The following MEGF6 variants were observed in gnomAD, a reference collection of about 807,000 sequenced individuals.
MEGF6 encodes the protein multiple epidermal growth factor-like domains protein 6.
Under a neutral mutation model 207.1 loss-of-function variants are expected in MEGF6, and 184 were observed. That is an observed-to-expected ratio of 0.89 (90% CI 0.79 to 1.00). MEGF6 has a LOEUF of 1.00. MEGF6 is among the 50% of genes least tolerant of loss of function. The pLI, the probability that MEGF6 is intolerant of heterozygous loss-of-function variation, is 0.00. For missense variants in MEGF6, 2,282 were observed against 2,202.9 expected (o/e 1.04, Z -0.72); for synonymous variants, 1,038 against 910.0 (o/e 1.14, Z -2.53).
chr1:3,557,468 G>A (rs1216601229), intron 4 of MEGF6, among the ~76,000 whole-genome samples: 2 of 152,226 alleles, frequency 1.3e-5, no homozygotes, highest in Non-Finnish European at 2.9e-5. Flanking sequence ...AGGAGCCACT[G>A]TCTAAGCAAG....
intron 35 of MEGF6, 108 bp downstream of exon 35, chr1:3,492,531 G>C (rs573329280): frequency 1.3e-6 from 2 of 1,491,976 alleles, no homozygotes; most frequent in South Asian, 2.5e-5. Context: ...GCCATAGGGT[G>C]ACCCGGCCAA....
intron 4 of MEGF6, among the ~76,000 whole-genome samples, chr1:3,552,977 G>A (rs1327659578): frequency 6.6e-6 from 1 of 152,096 alleles, no homozygotes; most frequent in African/African-American, 2.4e-5. Flanking sequence ...GGCCCGGCCA[G>A]GCCCCAAGGA....
At chr1:3,527,329 G>C (rs1400124221) in intron 4 of MEGF6, among the ~76,000 whole-genome samples, 1 of 152,216 alleles carries the variant, frequency 6.6e-6, no homozygotes. Context: ...TGGAAACCCT[G>C]CTGCCCATCC....
chr1:3,525,190 C>T (rs1265197714), intron 4 of MEGF6, among the ~76,000 whole-genome samples: 1 of 152,204 alleles, frequency 6.6e-6, no homozygotes, highest in Admixed American at 6.5e-5. Flanking sequence ...CTTCGCTGTG[C>T]CGGCACCCTC....
chr1:3,571,789 G>A (rs566247192), intron 4 of MEGF6, among the ~76,000 whole-genome samples: 7 of 146,490 alleles, frequency 4.8e-5, no homozygotes, highest in Admixed American at 2.7e-4. Flanking sequence ...GTCCTTTCCA[G>A]GTGTGCTGGG....
At chr1:3,526,480 C>T (rs1641967768) in intron 4 of MEGF6, among the ~76,000 whole-genome samples, 1 of 151,580 alleles carries the variant, frequency 6.6e-6, no homozygotes, top group South Asian at 2.1e-4. Context: ...TCATTGCAAC[C>T]TCCACCTCCC....
chr1:3,494,314 A>G, intron 32 of MEGF6, 57 bp downstream of exon 32: 2 of 1,507,168 alleles, frequency 1.3e-6, no homozygotes, highest in South Asian at 2.5e-5. Flanking sequence ...CCCACACGGG[A>G]GGAGTGGACA....
rs140729991 is a variant in MEGF6, at chr1:3,499,709, C to T, written c.2844G>A (p.Pro948=). ...GACAGTCCAATCCAAAGAAGCCGGC[C>T]GGGCAGGCTGCAGACAGCGGGCAGT... ...WRGTFCEHAC[P]AGFFGLDCRS... Residue 948 remains proline (P), a synonymous_variant, in exon 23 of 37, where the codon CCG becomes CCA. Transcript: ENST00000356575. The T allele has an allele frequency of 4.8e-3, 7,777 of 1,604,216 alleles. 38 individuals carry two copies. Among genetic ancestry groups the T allele is most frequent in the Non-Finnish European group, 6.1e-3 (7,147 of 1,176,418 alleles).
rs755006404 is a variant in MEGF6 at position 3,493,840 on chromosome 1, C to T, written c.4318G>A (p.Ala1440Thr). The T allele has an allele frequency of 6.2e-7, 1 of 1,603,828 alleles. No individual in the cohort carries two copies. The highest frequency in any genetic ancestry group is 8.5e-7 in the Non-Finnish European group (1 of 1,175,872). Residue 1440 changes from alanine to threonine, a missense_variant, in exon 34 of 37, where the codon GCA (alanine) becomes ACA (threonine). Physicochemically the swap from Ala to Thr is moderately conservative, Grantham distance 58. Transcript: ENST00000356575. The part of the protein sequence containing the change: ...CHQRCDCDGG[A>T]PCDPVTGLCL... ...AGACCGGTGACAGGGTCACAGGGTG[C>T]CCCCCCGTCACAGTCACAGCGCTGG... is the stretch of plus-strand genomic sequence containing the variant.
intron 4 of MEGF6, among the ~76,000 whole-genome samples, chr1:3,538,880 C>G (rs1642417071): frequency 6.6e-6 from 1 of 152,312 alleles, no homozygotes; most frequent in Admixed American, 6.5e-5. Flanking sequence ...AGCCCCACGC[C>G]CCGGGGCCCA....
intron 17 of MEGF6, 109 bp downstream of exon 17, chr1:3,505,099 G>A (rs1262391684): frequency 6.9e-7 from 1 of 1,459,588 alleles, no homozygotes; most frequent in Non-Finnish European, 9.2e-7. Context: ...TAGGCAAAGG[G>A]GGCCGATAGT....
intron 5 of MEGF6, among the ~76,000 whole-genome samples, chr1:3,518,786 C>T (rs953592403): frequency 6.6e-6 from 1 of 152,214 alleles, no homozygotes; most frequent in Admixed American, 6.5e-5. Flanking sequence ...AGTAGTCACC[C>T]ACAGCCCTGC....
In MEGF6 at chr1:3,494,052, G is replaced by C; in HGVS notation, c.4202C>G (p.Pro1401Arg). 1.2e-6 allele frequency: 2 copies of C among 1,607,218 alleles called. No individual in the cohort carries two copies. Among genetic ancestry groups the C allele is most frequent in the Non-Finnish European group, 1.7e-6 (2 of 1,177,054 alleles). Residue 1401 changes from proline (P) to arginine (R), a missense_variant, in exon 33 of 37, where the codon CCC becomes CGC. Coordinates refer to ENST00000356575, the MANE Select transcript of MEGF6 (RefSeq NM_001409.4). ...CWCQHGAPCD[P>R]ISGRCLCPAG... is the part of the protein sequence containing the mutation. ...AGGGCAGAGGCATCGGCCACTGATGGGGTCGCAGGGGGCTCCATGTTGACA... is the reference window on the plus strand; with the variant it reads ...AGGGCAGAGGCATCGGCCACTGATGCGGTCGCAGGGGGCTCCATGTTGACA...
chr1:3,580,046 G>T, intron 3 of MEGF6, 117 bp from the exon 4 acceptor site: 1 of 677,510 alleles, frequency 1.5e-6, no homozygotes, highest in Non-Finnish European at 2.4e-6. Context: ...CCCCAGCCCC[G>T]TTCTCTCTGT....
At chr1:3,538,696 CTGTGTGTGTG>C (rs57325073) in intron 4 of MEGF6, among the ~76,000 whole-genome samples, 32,268 of 131,970 alleles carry the variant, frequency 0.24, 4,102 homozygotes, top group South Asian at 0.29. Flanking sequence ...GAGCATGTGC[CTGTGTGTGTG>C]TGTGTGTGTG....
At chr1:3,507,364 AG>A (rs1641155618) in intron 14 of MEGF6, among the ~76,000 whole-genome samples, 1 of 152,184 alleles carries the variant, frequency 6.6e-6, no homozygotes, top group Non-Finnish European at 1.5e-5. Flanking sequence ...GAAACTTCAG[AG>A]TTAATAAGGG....
chr1:3,498,517 G>A lies in MEGF6; in HGVS notation c.3224-18C>T. The A allele has an allele frequency of 6.4e-7, 1 of 1,555,838 alleles. No homozygotes were observed. Among genetic ancestry groups the A allele is most frequent in the Non-Finnish European group, 8.7e-7 (1 of 1,150,166 alleles). On this transcript the variant is annotated intron_variant, in intron 25 of 36. Coordinates refer to ENST00000356575, the MANE Select transcript of MEGF6 (RefSeq NM_001409.4). ...GAGGCACTCTACAGGAGCAGAGGCA[G>A]GCACGAGGGTGAGGGTCCTGCCTCC...
At chr1:3,596,635 C>A (rs12723706) in intron 2 of MEGF6, among the ~76,000 whole-genome samples, 119 of 73,944 alleles carry the variant, frequency 1.6e-3, no homozygotes, top group Middle Eastern at 0.014. Context: ...CCCTGCCCAG[C>A]CCCCGTCTCC....
chr1:3,556,709 C>T lies in MEGF6; in HGVS notation c.481+23116G>A, dbSNP rs1262763102. ...CATTGTGGACAAGGGGTGGCACGTA[C>T]GTTATCCTTCAAAACAGGACACTGG... On this transcript the variant is annotated intron_variant, in intron 4 of 36. Transcript: ENST00000356575. The surrounding 1 kb of genome is among the most constrained non-coding windows in gnomAD (Gnocchi z 4.4). 1.3e-5 allele frequency among the ~76,000 whole-genome samples: 2 copies of T among 152,170 alleles called. No homozygotes were observed. Among genetic ancestry groups the T allele is most frequent in the African/African-American group, 4.8e-5 (2 of 41,436 alleles).
Sources: gnomAD v4.1 joint callset for allele counts (sites outside exome capture counted in the v4.1 genomes callset) on GRCh38, gnomAD v4.1.1 for gene constraint, Gnocchi (gnomAD v3.1) non-coding constraint, MANE v1.5 for transcripts, NCBI Gene and HGNC (gene_info 2026-07-23, HGNC 2026-07-21) for gene names.